Variants in PPM1L observed in about 807,000 individuals in gnomAD.
PPM1L encodes the protein protein phosphatase 1L.
PPM1L carries 13 observed loss-of-function variants against 31.4 expected under a neutral mutation model. The ratio of observed to expected loss-of-function variants is 0.41; its 90% CI spans 0.27 to 0.66. The LOEUF (loss-of-function observed/expected upper bound fraction) is 0.66, where lower values mean the gene tolerates loss of function less well. Among genes scored for constraint, PPM1L ranks in the 30% least tolerant of loss-of-function variants. The pLI, the probability that PPM1L is intolerant of heterozygous loss-of-function variation, is 0.29. For missense variants in PPM1L, 326 were observed against 453.7 expected (o/e 0.72, Z 2.56); for synonymous variants, 184 against 175.4 (o/e 1.05, Z -0.39).
At chr3:160,925,196 T>C (rs4679922) in intron 1 of PPM1L, among the ~76,000 whole-genome samples, 55,590 of 152,010 alleles carry the variant, frequency 0.37, 13,016 homozygotes, top group Non-Finnish European at 0.53. Context: ...CAGCCGCTGC[T>C]CTACAACTCT....
chr3:160,815,512 G>A (rs184074345), intron 1 of PPM1L, among the ~76,000 whole-genome samples: 132 of 152,236 alleles, frequency 8.7e-4, no homozygotes, highest in Non-Finnish European at 1.3e-3. Flanking sequence ...CATATTAAAG[G>A]TGCTGAGGAG....
chr3:160,923,338 T>C lies in PPM1L; in HGVS notation c.400-38398T>C, dbSNP rs566880042. Among the ~76,000 whole-genome samples the C allele has an allele frequency of 2.6e-5, 4 of 152,336 alleles. No individual in the cohort carries two copies. In the South Asian group the frequency reaches 8.3e-4, roughly 32 times the overall value. ...TCATCTGATTTTTGCCTTATTTCCA[T>C]TTGACGGTACTTTCTGAATTAATAT... On this transcript the variant is annotated intron_variant, in intron 1 of 3. Transcript: ENST00000498165.
rs144233763 is a variant in PPM1L, at chr3:160,884,675, C to G, written c.400-77061C>G. Among the ~76,000 whole-genome samples the G allele has an allele frequency of 4.2e-5, 6 of 142,536 alleles. No individual in the cohort carries two copies. In the East Asian group the frequency reaches 1.1e-3, roughly 26 times the overall value. The allele number at this position is 142,536 out of a possible 152,430, so 93.5% of individuals were successfully genotyped here. ...GAGGTGCTAGTACACATATTTTAAT[C>G]TGGCACAGAGCCCACATACAATGGA... On this transcript the variant is annotated intron_variant, in intron 1 of 3. Coordinates refer to ENST00000498165, the MANE Select transcript of PPM1L (RefSeq NM_139245.4).
At chr3:161,059,823 T>G (rs1719518576) in intron 2 of PPM1L, among the ~76,000 whole-genome samples, 1 of 151,996 alleles carries the variant, frequency 6.6e-6, no homozygotes, top group Non-Finnish European at 1.5e-5. Flanking sequence ...TGTTTAAAAG[T>G]GTATTGCACC....
At chr3:160,863,877 G>A (rs1711991822) in intron 1 of PPM1L, among the ~76,000 whole-genome samples, 1 of 152,082 alleles carries the variant, frequency 6.6e-6, no homozygotes, top group Non-Finnish European at 1.5e-5. Flanking sequence ...TGAAAATGCA[G>A]GTATGAACCT....
At chr3:160,807,451 G>A (rs560075978) in intron 1 of PPM1L, among the ~76,000 whole-genome samples, 10 of 152,226 alleles carry the variant, frequency 6.6e-5, no homozygotes, top group South Asian at 6.2e-4. Flanking sequence ...TTTTTCAGGC[G>A]CCCTACAAAT....
intron 2 of PPM1L, among the ~76,000 whole-genome samples, chr3:161,037,413 T>C (rs1482283762): frequency 4.7e-5 from 2 of 42,738 alleles, no homozygotes; most frequent in Non-Finnish European, 7.9e-5. Context: ...CTACTTGAGC[T>C]TTTTTTTTTT....
chr3:161,022,349 A>G, intron 2 of PPM1L: 1 of 395,698 alleles, frequency 2.5e-6, no homozygotes, highest in Non-Finnish European at 4.5e-6. Context: ...ATAATTTCAT[A>G]ATTATTTCTT....
chr3:161,058,950 A>C (rs1719497752), intron 2 of PPM1L, among the ~76,000 whole-genome samples: 2 of 152,198 alleles, frequency 1.3e-5, no homozygotes, highest in African/African-American at 4.8e-5. Context: ...CAAAATACTT[A>C]GTTAAGCTTA....
chr3:160,800,473 G>A (rs2108077765), intron 1 of PPM1L, among the ~76,000 whole-genome samples: 1 of 152,068 alleles, frequency 6.6e-6, no homozygotes, highest in Admixed American at 6.5e-5. Context: ...GATATATTGA[G>A]GTAGATTTTC....
chr3:160,860,114 G>T (rs1160193245), intron 1 of PPM1L, among the ~76,000 whole-genome samples: 1 of 152,162 alleles, frequency 6.6e-6, no homozygotes, highest in Admixed American at 6.6e-5. Flanking sequence ...GCAACAGACT[G>T]GGAAACATTG....
At chr3:160,779,549 G>A (rs1290813297) in intron 1 of PPM1L, among the ~76,000 whole-genome samples, 1 of 151,984 alleles carries the variant, frequency 6.6e-6, no homozygotes, top group Non-Finnish European at 1.5e-5. Flanking sequence ...TTGAGACAGG[G>A]TCTCATTCTG....
At chr3:161,008,978 A>C (rs1717799302) in intron 2 of PPM1L, among the ~76,000 whole-genome samples, 1 of 152,168 alleles carries the variant, frequency 6.6e-6, no homozygotes, top group Non-Finnish European at 1.5e-5. Context: ...TAGAGAGTAA[A>C]TGTAATTAAG....
chr3:161,062,145 GA>G (rs1284006820), intron 2 of PPM1L, among the ~76,000 whole-genome samples: 2,404 of 147,200 alleles, frequency 0.016, 46 homozygotes, highest in African/African-American at 0.049. Context: ...AGTGGGGGGG[GA>G]AAAAAAAAAG....
chr3:160,843,395 A>AT (rs568456700), intron 1 of PPM1L, among the ~76,000 whole-genome samples: 25 of 74,546 alleles, frequency 3.4e-4, no homozygotes, highest in Non-Finnish European at 4.7e-4. Context: ...AAACATTATG[A>AT]TTTTTTTTTT....
chr3:160,928,239 G>T (rs1018285507), intron 1 of PPM1L, among the ~76,000 whole-genome samples: 1 of 152,112 alleles, frequency 6.6e-6, no homozygotes, highest in African/African-American at 2.4e-5. Flanking sequence ...TGAGATAATG[G>T]ATGTAAAATT....
At chr3:160,906,791 T>C (rs1713778936) in intron 1 of PPM1L, among the ~76,000 whole-genome samples, 1 of 152,138 alleles carries the variant, frequency 6.6e-6, no homozygotes, top group Admixed American at 6.5e-5. Flanking sequence ...TTTAATTCCT[T>C]GTGGGATATT....
rs574542270 is a variant in PPM1L, at chr3:160,953,605, C to T, written c.400-8131C>T. Among the ~76,000 whole-genome samples, 8 of 152,164 alleles carry T rather than the reference C, an allele frequency of 5.3e-5. No individual in the cohort carries two copies. In the South Asian group the frequency reaches 8.3e-4, roughly 16 times the overall value. On this transcript the variant is annotated intron_variant, in intron 1 of 3. Coordinates refer to ENST00000498165, the MANE Select transcript of PPM1L (RefSeq NM_139245.4). ...TTTACTTGTGATCTTTTTCTAATGG[C>T]GGTTCTATTAGAATTTAATTACATC...
intron 1 of PPM1L, among the ~76,000 whole-genome samples, chr3:160,920,721 G>C (rs1714377010): frequency 6.6e-6 from 1 of 151,828 alleles, no homozygotes; most frequent in South Asian, 2.1e-4. Flanking sequence ...CAGTAGGAGG[G>C]TGGTGATGAG....
Sources: gnomAD v4.1 joint callset for allele counts (sites outside exome capture counted in the v4.1 genomes callset) on GRCh38, gnomAD v4.1.1 for gene constraint, MANE v1.5 for transcripts, NCBI Gene and HGNC (gene_info 2026-07-23, HGNC 2026-07-21) for gene names.